Variants in FBLN7 observed in about 807,000 individuals in gnomAD.
FBLN7 encodes fibulin-7.
FBLN7 carries 31 observed loss-of-function variants against 44.0 expected under a neutral mutation model. That is an observed-to-expected ratio of 0.70 (90% CI 0.53 to 0.95). The LOEUF (loss-of-function observed/expected upper bound fraction) is 0.95, where lower values mean the gene tolerates loss of function less well. FBLN7 is among the 40% of genes least tolerant of loss of function. FBLN7 has a pLI of 0.00. For synonymous variants in FBLN7, 262 were observed against 253.4 expected, an observed-to-expected ratio of 1.03 and a Z score of -0.32; for missense variants, 573 against 618.5, an observed-to-expected ratio of 0.93 and a Z score of 0.78.
chr2:112,187,404 G>C lies in FBLN7; in HGVS notation c.1218G>C (p.Gln406His). 6.2e-7 allele frequency: 1 copy of C among 1,614,172 alleles called. No homozygotes were observed. The highest frequency in any genetic ancestry group is 1.1e-5 in the South Asian group (1 of 91,090). The change falls in exon 8 of 8, where the codon CAG becomes CAC. Residue 406 changes from glutamine (Q) to histidine (H), a missense_variant. Gln to His is a conservative substitution (Grantham distance 24). Coordinates refer to ENST00000331203, the MANE Select transcript of FBLN7 (RefSeq NM_153214.3). This position sits in a 1 kb window ranked among gnomAD's most constrained non-coding sequence, Gnocchi z 5.1. ...LILVQNLEGP[Q>H]TLEVDVDMSE... is the part of the protein sequence containing the mutation. The stretch of plus-strand genomic sequence containing the variant: ...TTGTGCAGAACCTGGAGGGGCCTCA[G>C]ACGCTGGAGGTGGACGTCGACATGT...
At chr2:112,152,992 T>C (rs1681237900) in intron 1 of FBLN7, 1 of 152,338 alleles carries the variant, frequency 6.6e-6, no homozygotes, top group Admixed American at 6.5e-5. Context: ...TTATTGCTTC[T>C]GTTTCTGTAG....
intron 3 of FBLN7, among the ~76,000 whole-genome samples, chr2:112,165,467 C>T (rs747747884): frequency 1.6e-4 from 24 of 152,234 alleles, no homozygotes; most frequent in Non-Finnish European, 2.8e-4. Flanking sequence ...AGGGGGTGGG[C>T]GGCACAGTTA....
downstream of FBLN7, chr2:112,190,723 A>G (rs993290762): frequency 2.0e-5 from 3 of 151,828 alleles, no homozygotes; most frequent in African/African-American, 7.3e-5. Context: ...CATCCTGTAT[A>G]TTTTCTGCCC....
At chr2:112,238,737 A>C in the FBLN7 span, 1 of 439,200 alleles carries the variant, frequency 2.3e-6, no homozygotes, top group Non-Finnish European at 4.0e-6. Flanking sequence ...AAAACAAACT[A>C]ACAAACCACT....
intron 1 of FBLN7, among the ~76,000 whole-genome samples, chr2:112,144,179 G>A (rs562358859): frequency 4.6e-5 from 7 of 152,210 alleles, no homozygotes; most frequent in South Asian, 2.1e-4. Context: ...GCTCTCCTAC[G>A]CGTGATATTA....
At chr2:112,146,940 G>A (rs1680927292) in intron 1 of FBLN7, among the ~76,000 whole-genome samples, 1 of 152,154 alleles carries the variant, frequency 6.6e-6, no homozygotes, top group African/African-American at 2.4e-5. Context: ...TAGGTTTTTT[G>A]TAGGTGTTAT....
chr2:112,164,203 C>A (rs1366855347), intron 2 of FBLN7, among the ~76,000 whole-genome samples: 1 of 152,142 alleles, frequency 6.6e-6, no homozygotes, highest in Non-Finnish European at 1.5e-5. Context: ...CTGCCTAAGT[C>A]CCTAATATAG....
the FBLN7 span, chr2:112,215,218 G>C: frequency 6.6e-6 from 1 of 152,132 alleles, no homozygotes; most frequent in African/African-American, 2.4e-5. Flanking sequence ...TCTATGCAAT[G>C]AATTGCATTA....
the FBLN7 span, among the ~76,000 whole-genome samples, chr2:112,239,176 G>A: frequency 6.6e-6 from 1 of 152,212 alleles, no homozygotes; most frequent in Non-Finnish European, 1.5e-5. Flanking sequence ...GAAGAACCCA[G>A]GCATGGGAGC....
At chr2:112,172,635 T>C (rs1362683130) in intron 3 of FBLN7, among the ~76,000 whole-genome samples, 8 of 135,250 alleles carry the variant, frequency 5.9e-5, no homozygotes, top group African/African-American at 1.7e-4. Flanking sequence ...TTCTTTTTTT[T>C]TTTTTTTTTT....
At chr2:112,139,014 T>C (rs866834212) in intron 1 of FBLN7, among the ~76,000 whole-genome samples, 121 of 21,310 alleles carry the variant, frequency 5.7e-3, no homozygotes, top group Admixed American at 0.012. Flanking sequence ...TCTCTCCAGG[T>C]CAGCGTCCCT....
chr2:112,176,797 C>G (rs1408450353), intron 4 of FBLN7: 2 of 152,232 alleles, frequency 1.3e-5, no homozygotes, highest in African/African-American at 4.8e-5. Context: ...ACAGGGCTTT[C>G]TTGGAGACCT....
intron 1 of FBLN7, among the ~76,000 whole-genome samples, chr2:112,140,387 G>T (rs546729574): frequency 2.0e-5 from 3 of 152,342 alleles, no homozygotes; most frequent in Non-Finnish European, 4.4e-5. Context: ...CAGCACCAAG[G>T]CTGGGGGACC....
chr2:112,196,377 T>C, the FBLN7 span, among the ~76,000 whole-genome samples: 115 of 92,616 alleles, frequency 1.2e-3, no homozygotes, highest in African/African-American at 6.3e-3. Context: ...TCTTCTTCTT[T>C]TTTTTTTTTT....
chr2:112,207,464 C>CAA, the FBLN7 span, among the ~76,000 whole-genome samples: 457 of 79,080 alleles, frequency 5.8e-3, 4 homozygotes, highest in East Asian at 0.021. Flanking sequence ...GACTCCATCT[C>CAA]AAAAAAAAAA....
intron 2 of FBLN7, among the ~76,000 whole-genome samples, chr2:112,160,379 G>A (rs984650490): frequency 6.6e-6 from 1 of 152,162 alleles, no homozygotes; most frequent in Admixed American, 6.5e-5. Flanking sequence ...TTCTCCCTCA[G>A]CCTCAATGTC....
At chr2:112,162,604 G>A (rs1360013718) in intron 2 of FBLN7, among the ~76,000 whole-genome samples, 1 of 152,190 alleles carries the variant, frequency 6.6e-6, no homozygotes, top group East Asian at 1.9e-4. Flanking sequence ...TCAGTAGGAT[G>A]TGCTTCTCGC....
At chr2:112,219,528 T>C in the FBLN7 span, among the ~76,000 whole-genome samples, 1 of 152,210 alleles carries the variant, frequency 6.6e-6, no homozygotes, top group Admixed American at 6.5e-5. Flanking sequence ...TACAACATTA[T>C]TTACCCAGAA....
the FBLN7 span, among the ~76,000 whole-genome samples, chr2:112,207,032 T>A: frequency 1.3e-5 from 2 of 152,224 alleles, no homozygotes; most frequent in African/African-American, 4.8e-5. Flanking sequence ...TGTGTTCAGC[T>A]TTCTTACTGA....
Sources: gnomAD v4.1 joint callset for allele counts (sites outside exome capture counted in the v4.1 genomes callset) on GRCh38, gnomAD v4.1.1 for gene constraint, Gnocchi (gnomAD v3.1) non-coding constraint, MANE v1.5 for transcripts, NCBI Gene and HGNC (gene_info 2026-07-23, HGNC 2026-07-21) for gene names.